The following ASPH variants were observed in gnomAD, a reference collection of about 807,000 sequenced individuals.
ASPH encodes aspartate beta-hydroxylase, also known as aspartyl/asparaginyl beta-hydroxylase.
ASPH carries 100 observed loss-of-function variants against 118.4 expected under a neutral mutation model. The observed-to-expected ratio is 0.84, with a 90% CI of 0.72 to 1.00. The LOEUF (loss-of-function observed/expected upper bound fraction) is 1.00, where lower values mean the gene tolerates loss of function less well. Ranked by LOEUF, ASPH falls within the 50% of genes least tolerant of loss-of-function variation. The pLI is 0.00. For synonymous variants in ASPH, 315 were observed against 325.6 expected (o/e 0.97, Z 0.35); for missense variants, 920 against 919.5 (o/e 1.00, Z -0.01).
At chr8:61,513,101 C>T (rs973667673) in intron 24 of ASPH, among the ~76,000 whole-genome samples, 11 of 152,110 alleles carry the variant, frequency 7.2e-5, no homozygotes, top group Non-Finnish European at 1.0e-4. Flanking sequence ...AATCTTAATC[C>T]GATTATTAAT....
At chr8:61,518,196 G>C (rs1053101667) in intron 22 of ASPH, 73 bp from the exon 23 acceptor site, 1 of 1,314,396 alleles carries the variant, frequency 7.6e-7, no homozygotes, top group Non-Finnish European at 1.1e-6. Flanking sequence ...GATGAGGTGA[G>C]AGCTATATGT....
intron 1 of ASPH, among the ~76,000 whole-genome samples, chr8:61,708,934 T>C (rs532520560): frequency 7.1e-5 from 9 of 126,280 alleles, no homozygotes; most frequent in African/African-American, 1.8e-4. Context: ...GGAGCACACA[T>C]AGTATCTACG....
At chr8:61,673,670 A>C (rs572252563) in intron 3 of ASPH, among the ~76,000 whole-genome samples, 73 of 152,328 alleles carry the variant, frequency 4.8e-4, no homozygotes, top group Middle Eastern at 3.4e-3. Flanking sequence ...ATTATGAAAC[A>C]AAGTCAGAAA....
chr8:61,563,744 T>A (rs4400380), intron 17 of ASPH, among the ~76,000 whole-genome samples: 122,995 of 152,146 alleles, frequency 0.81, 50,078 homozygotes, highest in Non-Finnish European at 0.85. Flanking sequence ...AATCTGGGCT[T>A]CCTTTTCTAT....
At chr8:61,556,250 G>A (rs1051344701) in intron 18 of ASPH, among the ~76,000 whole-genome samples, 17 of 152,228 alleles carry the variant, frequency 1.1e-4, no homozygotes, top group Non-Finnish European at 7.4e-5. Flanking sequence ...TTACACAATG[G>A]TTCTTCAAGA....
At chr8:61,607,775 TATTA>T (rs1386362542) in intron 14 of ASPH, among the ~76,000 whole-genome samples, 4 of 152,178 alleles carry the variant, frequency 2.6e-5, no homozygotes, top group Non-Finnish European at 4.4e-5. Context: ...ATCTGCCATT[TATTA>T]TTAGGGTTAT....
intron 20 of ASPH, among the ~76,000 whole-genome samples, chr8:61,550,279 C>T (rs1183352370): frequency 6.6e-6 from 1 of 152,080 alleles, no homozygotes; most frequent in Non-Finnish European, 1.5e-5. Context: ...ATTTTCCTGT[C>T]TAATCAGCAA....
At chr8:61,645,232 C>T (rs1281285980) in intron 6 of ASPH, among the ~76,000 whole-genome samples, 2 of 152,150 alleles carry the variant, frequency 1.3e-5, no homozygotes, top group African/African-American at 4.8e-5. Context: ...GTTCAAACTG[C>T]ATCTATGTCC....
chr8:61,599,815 G>A (rs755054247), intron 14 of ASPH, among the ~76,000 whole-genome samples: 8 of 152,068 alleles, frequency 5.3e-5, no homozygotes, highest in Non-Finnish European at 1.0e-4. Context: ...TAGCATTACT[G>A]TTGAATTTCA....
At chr8:61,509,671 T>C (rs1436102967) in intron 24 of ASPH, among the ~76,000 whole-genome samples, 4 of 152,154 alleles carry the variant, frequency 2.6e-5, no homozygotes, top group African/African-American at 9.7e-5. Flanking sequence ...CCAGCCCCTA[T>C]TCAAGATGGA....
chr8:61,658,531 A>G (rs1814990278), intron 3 of ASPH: 1 of 152,192 alleles, frequency 6.6e-6, no homozygotes, highest in African/African-American at 2.4e-5. Flanking sequence ...TTCCATTTGA[A>G]TTCTATCTCA....
chr8:61,675,116 A>T, intron 3 of ASPH: 2 of 208,692 alleles, frequency 9.6e-6, no homozygotes, highest in Non-Finnish European at 1.7e-5. Flanking sequence ...ATATGTTTTT[A>T]AGGCTTTCTA....
intron 10 of ASPH, among the ~76,000 whole-genome samples, chr8:61,642,276 A>G (rs1040174782): frequency 4.6e-5 from 7 of 152,246 alleles, no homozygotes; most frequent in African/African-American, 1.4e-4. Flanking sequence ...AACTCCGGCT[A>G]AAGTAGTTGT....
chr8:61,704,888 G>A (rs565959397), intron 1 of ASPH, among the ~76,000 whole-genome samples: 22 of 152,222 alleles, frequency 1.4e-4, no homozygotes, highest in African/African-American at 5.3e-4. Context: ...AAAATATATT[G>A]TACAACTACT....
chr8:61,624,160 T>C, intron 13 of ASPH: 1 of 863,050 alleles, frequency 1.2e-6, no homozygotes, highest in Non-Finnish European at 1.4e-6. Context: ...GTACATTTTC[T>C]ATATCTGTAT....
rs915493229 is a variant in ASPH, at chr8:61,579,518, C to T, written c.1063-2660G>A. On this transcript the variant is annotated intron_variant, in intron 15 of 24. Coordinates refer to ENST00000379454, the MANE Select transcript of ASPH (RefSeq NM_004318.4). The stretch of plus-strand genomic sequence containing the variant: ...CGGCCTATGGGGGCCTCACAAGCCC[C>T]GGCCTCAGCTACGGCCTGGGCTCCA... 50 of 1,561,270 alleles carry T rather than the reference C, an allele frequency of 3.2e-5. 1 individual carries two copies. Among genetic ancestry groups the T allele is most frequent in the Middle Eastern group, 2.2e-4 (1 of 4,604 alleles).
At chr8:61,552,368 T>C (rs1232367665) in intron 20 of ASPH, among the ~76,000 whole-genome samples, 1 of 152,256 alleles carries the variant, frequency 6.6e-6, no homozygotes, top group Non-Finnish European at 1.5e-5. Context: ...AAGCAGACAC[T>C]GTACTCAGAA....
intron 21 of ASPH, among the ~76,000 whole-genome samples, chr8:61,529,269 G>A (rs555868887): frequency 5.8e-4 from 89 of 152,256 alleles, no homozygotes; most frequent in Non-Finnish European, 1.0e-3. Flanking sequence ...GAGCAATTGC[G>A]AGGTACCCCA....
At chr8:61,549,621 A>T (rs1563780293) in intron 20 of ASPH, among the ~76,000 whole-genome samples, 1 of 152,150 alleles carries the variant, frequency 6.6e-6, no homozygotes, top group Non-Finnish European at 1.5e-5. Context: ...TTGTTATCTA[A>T]TTTTTTTAAA....
Sources: allele counts gnomAD v4.1 joint callset (sites outside exome capture counted in the v4.1 genomes callset), GRCh38; gene constraint gnomAD v4.1.1; transcripts MANE v1.5; gene names NCBI Gene and HGNC (gene_info 2026-07-23, HGNC 2026-07-21).